Variants in ZRANB3 observed in about 807,000 individuals in gnomAD.
ZRANB3 encodes DNA annealing helicase and endonuclease ZRANB3.
A neutral mutation model predicts 133.8 loss-of-function variants in ZRANB3; 125 were observed. The observed-to-expected ratio is 0.93, with a 90% CI of 0.81 to 1.08. The LOEUF is 1.08. Among genes scored for constraint, ZRANB3 ranks in the 50% least tolerant of loss-of-function variants. ZRANB3 has a pLI of 0.00. For missense variants in ZRANB3, 1,229 were observed against 1,275.5 expected (o/e 0.96, Z 0.56); for synonymous variants, 387 against 432.7 (o/e 0.89, Z 1.31).
At chr2:135,272,414 C>CTGTTTTTTTTTTTTTTT (rs1680562927) in intron 9 of ZRANB3, among the ~76,000 whole-genome samples, 1 of 107,774 alleles carries the variant, frequency 9.3e-6, no homozygotes, top group African/African-American at 4.5e-5. Context: ...GAAAATAGAG[C>CTGTTTTTTTTTTTTTTT]TTTTTTTTTT....
intron 8 of ZRANB3, among the ~76,000 whole-genome samples, chr2:135,300,370 T>TA (rs1357179367): frequency 6.6e-6 from 1 of 152,120 alleles, no homozygotes; most frequent in South Asian, 2.1e-4. Context: ...ATGAAGATTT[T>TA]AAAAAAACCA....
intron 2 of ZRANB3, among the ~76,000 whole-genome samples, chr2:135,482,968 C>G (rs959718829): frequency 2.0e-5 from 3 of 151,748 alleles, no homozygotes; most frequent in Non-Finnish European, 2.9e-5. Context: ...GGATGAAGCC[C>G]ACTTGATCAT....
chr2:135,504,207 G>A (rs913665553), intron 2 of ZRANB3, 122 bp downstream of exon 2: 1 of 1,157,666 alleles, frequency 8.6e-7, no homozygotes, highest in Admixed American at 1.9e-5. Flanking sequence ...AGCTAACTTG[G>A]TCACAATCAA....
intron 2 of ZRANB3, among the ~76,000 whole-genome samples, chr2:135,490,733 C>T (rs1692333601): frequency 6.6e-6 from 1 of 152,110 alleles, no homozygotes; most frequent in African/African-American, 2.4e-5. Context: ...GTGTAATCAA[C>T]TTAAATGCCC....
intron 8 of ZRANB3, among the ~76,000 whole-genome samples, chr2:135,299,620 C>T (rs1231210433): frequency 6.6e-6 from 1 of 152,114 alleles, no homozygotes; most frequent in African/African-American, 2.4e-5. Flanking sequence ...TTATCATTAC[C>T]ATTATTTGTT....
At chr2:135,276,262 A>T in intron 8 of ZRANB3, among the ~76,000 whole-genome samples, 1 of 150,908 alleles carries the variant, frequency 6.6e-6, no homozygotes, top group African/African-American at 2.4e-5. Flanking sequence ...TTACTTAAGA[A>T]ACTTAGGTAG....
At chr2:135,273,078 C>T (rs550826652) in intron 9 of ZRANB3, among the ~76,000 whole-genome samples, 5 of 150,854 alleles carry the variant, frequency 3.3e-5, no homozygotes, top group African/African-American at 9.7e-5. Context: ...CCCAGATACT[C>T]GGGAGGCTGA....
chr2:135,519,557 G>A (rs142308213), intron 1 of ZRANB3, among the ~76,000 whole-genome samples: 28 of 152,174 alleles, frequency 1.8e-4, no homozygotes, highest in African/African-American at 6.7e-4. Flanking sequence ...TTTATCACAC[G>A]AATGCTCCAT....
At chr2:135,308,981 A>ATTTT (rs68010822) in intron 8 of ZRANB3, among the ~76,000 whole-genome samples, 1 of 135,658 alleles carries the variant, frequency 7.4e-6, no homozygotes, top group African/African-American at 2.8e-5. Flanking sequence ...TAATAACATC[A>ATTTT]TTTTTTTTTT....
chr2:135,432,550 T>C (rs1371439829), intron 2 of ZRANB3, among the ~76,000 whole-genome samples: 3 of 152,202 alleles, frequency 2.0e-5, no homozygotes, highest in African/African-American at 7.2e-5. Context: ...TGGTAAACTT[T>C]ATGGTTTTAA....
At chr2:135,405,412 A>G (rs1226859118) in intron 2 of ZRANB3, among the ~76,000 whole-genome samples, 7 of 152,154 alleles carry the variant, frequency 4.6e-5, no homozygotes, top group Admixed American at 2.6e-4. Flanking sequence ...ACAGATCAAC[A>G]AGACAGAAAG....
chr2:135,210,842 C>G lies in ZRANB3; in HGVS notation c.2496-1864G>C, dbSNP rs1694067266. On this transcript the variant is annotated intron_variant, in intron 17 of 20. Transcript: ENST00000264159. The stretch of plus-strand genomic sequence containing the variant: ...AAGGGGGAATATCTTTTCACACATT[C>G]ACATGGTGAAACCCTGTCTCTACTA... Among the ~76,000 whole-genome samples, 9 of 152,130 alleles carry G rather than the reference C, an allele frequency of 5.9e-5. No homozygotes were observed. The South Asian group carries it at 1.9e-3, about 32-fold the overall frequency.
chr2:135,497,229 T>A (rs1048630317), intron 2 of ZRANB3, among the ~76,000 whole-genome samples: 1 of 152,180 alleles, frequency 6.6e-6, no homozygotes, highest in African/African-American at 2.4e-5. Context: ...TTTGTGAAAA[T>A]TGATAAATGA....
intron 2 of ZRANB3, among the ~76,000 whole-genome samples, chr2:135,430,696 T>A (rs1024510392): frequency 4.6e-5 from 7 of 152,154 alleles, no homozygotes; most frequent in African/African-American, 1.7e-4. Flanking sequence ...CTAAACAACA[T>A]GGTATTTTTA....
chr2:135,420,121 AT>A (rs1558988225), intron 2 of ZRANB3, among the ~76,000 whole-genome samples: 79 of 89,550 alleles, frequency 8.8e-4, no homozygotes, highest in South Asian at 5.3e-3. Flanking sequence ...ATATATATAT[AT>A]ATAACTTATA....
chr2:135,486,825 G>A (rs1179209753), intron 2 of ZRANB3, among the ~76,000 whole-genome samples: 3 of 152,126 alleles, frequency 2.0e-5, no homozygotes, highest in African/African-American at 7.2e-5. Context: ...CTCTACTGAA[G>A]TCTTGAACCC....
intron 19 of ZRANB3, among the ~76,000 whole-genome samples, chr2:135,204,676 T>A (rs1057157839): frequency 3.7e-4 from 53 of 144,646 alleles, no homozygotes; most frequent in African/African-American, 6.8e-4. Context: ...TATATATATA[T>A]AAAATATAAA....
intron 8 of ZRANB3, among the ~76,000 whole-genome samples, chr2:135,307,114 T>C (rs558444535): frequency 6.6e-6 from 1 of 152,244 alleles, no homozygotes; most frequent in Admixed American, 6.5e-5. Flanking sequence ...TTGTCCAGGC[T>C]GGAGTGCAGT....
chr2:135,374,888 G>T (rs980302519), intron 3 of ZRANB3, among the ~76,000 whole-genome samples: 1 of 152,016 alleles, frequency 6.6e-6, no homozygotes, highest in Non-Finnish European at 1.5e-5. Context: ...TTTAAACATG[G>T]GTATAAGATC....
Sources: allele counts gnomAD v4.1 joint callset (sites outside exome capture counted in the v4.1 genomes callset), GRCh38; gene constraint gnomAD v4.1.1; transcripts MANE v1.5; gene names NCBI Gene and HGNC (gene_info 2026-07-23, HGNC 2026-07-21).